WDR62: variants seen among roughly 807,000 people sequenced by gnomAD.
The protein encoded by WDR62 is WD repeat-containing protein 62.
WDR62 carries 112 observed loss-of-function variants against 160.6 expected under a neutral mutation model. The observed-to-expected ratio is 0.70, with a 90% CI of 0.60 to 0.82. The LOEUF (loss-of-function observed/expected upper bound fraction) is 0.82. Ranked by LOEUF, WDR62 falls within the 40% of genes least tolerant of loss-of-function variation. WDR62 has a pLI of 0.00. For synonymous variants in WDR62, 792 were observed against 815.1 expected, an observed-to-expected ratio of 0.97 and a Z score of 0.48; for missense variants, 1,819 against 1,983.8, an observed-to-expected ratio of 0.92 and a Z score of 1.58.
At chr19:36,100,655 C>T (rs1973270842) in intron 22 of WDR62, 93 bp from the exon 23 acceptor site, 1 of 1,574,390 alleles carries the variant, frequency 6.4e-7, no homozygotes, top group Non-Finnish European at 8.7e-7. Flanking sequence ...GGTTCACAGC[C>T]TCCAGCAGTG....
chr19:36,062,984 G>A (rs902307151), intron 3 of WDR62, among the ~76,000 whole-genome samples: 1 of 151,376 alleles, frequency 6.6e-6, no homozygotes, highest in Non-Finnish European at 1.5e-5. Context: ...TGGAGTCTCT[G>A]TCGTCAGGCT....
At chr19:36,097,231 A>T (rs766657797) in intron 21 of WDR62, 152 bp downstream of exon 21, 41 of 756,470 alleles carry the variant, frequency 5.4e-5, no homozygotes, top group Non-Finnish European at 8.2e-5. Flanking sequence ...CCCTTTGTTC[A>T]TGATCAGTGC....
chr19:36,109,020 C>T (rs1215801355), downstream of WDR62, among the ~76,000 whole-genome samples: 1 of 152,080 alleles, frequency 6.6e-6, no homozygotes. Flanking sequence ...GAAACCGAGG[C>T]CCAATGAGAA....
At chr19:36,106,999 C>T (rs553197163), downstream of WDR62, among the ~76,000 whole-genome samples, 1 of 152,104 alleles carries the variant, frequency 6.6e-6, no homozygotes, top group Non-Finnish European at 1.5e-5. Context: ...GGTGTTCAGC[C>T]CCCCAGGCCT....
At chr19:36,098,577 AAG>A (rs1491018429) in intron 21 of WDR62, among the ~76,000 whole-genome samples, 8 of 151,872 alleles carry the variant, frequency 5.3e-5, no homozygotes, top group Non-Finnish European at 8.8e-5. Context: ...AAAAAAAAAA[AAG>A]AAAGACAATG....
chr19:36,056,664 C>T (rs1035266613), intron 1 of WDR62, among the ~76,000 whole-genome samples: 4 of 152,192 alleles, frequency 2.6e-5, no homozygotes, highest in African/African-American at 9.7e-5. Context: ...TATTAAACTA[C>T]ATATAACAAT....
Position 36,102,843 on chromosome 19 carries a change from G to A in WDR62, c.3327G>A (p.Lys1109=). The A allele has an allele frequency of 6.2e-7, 1 of 1,614,230 alleles. No individual in the cohort carries two copies. The highest frequency in any genetic ancestry group is 8.5e-7 in the Non-Finnish European group (1 of 1,180,040). ...CGCAGTTCCTCTCAAGCCTCCAGAA[G>A]GCATCCAGGTAGAAGCTGGCCAAGC... The part of the protein sequence containing the change: ...ISTQFLSSLQ[K]ASRFTHTFPP... Residue 1109 remains lysine (K), a synonymous_variant, in exon 27 of 32, where the codon AAG becomes AAA. Coordinates refer to ENST00000401500, the MANE Select transcript of WDR62 (RefSeq NM_001083961.2).
chr19:36,103,106 G>A lies in WDR62; in HGVS notation c.3462+32G>A, dbSNP rs527869099. The stretch of plus-strand genomic sequence containing the variant: ...ATTGGGCCCACCTCCGTCAGGGCAC[G>A]GGGCTGGGAACCCTGAGGCCTTGTC... On this transcript the variant is annotated intron_variant, in intron 28 of 31. Coordinates refer to ENST00000401500, the MANE Select transcript of WDR62 (RefSeq NM_001083961.2). 115 of 1,614,020 alleles carry A rather than the reference G, an allele frequency of 7.1e-5. 1 individual carries two copies. In the East Asian group the frequency reaches 9.4e-4, roughly 13 times the overall value.
In WDR62 at chr19:36,102,285, G is replaced by A. The variant is rs879835524; in HGVS notation, c.3220+134G>A. On this transcript the variant is annotated intron_variant, in intron 26 of 31. Transcript: ENST00000401500. ...GCAACTGCTTCGTTTTTTTTGAGAC[G>A]GAGTCTCGCTCTGTTGCCAGGCTGG... The A allele has an allele frequency of 5.7e-5, 74 of 1,306,380 alleles. 1 individual carries two copies. The highest frequency in any genetic ancestry group is 1.2e-4 in the Admixed American group (7 of 57,042). 80.9% of individuals were successfully genotyped at this position (1,306,380 alleles called of 1,614,324 possible).
rs887455766 is a variant in WDR62, at chr19:36,055,242, G to T, written c.177+94G>T. 1.7e-5 allele frequency: 24 copies of T among 1,414,612 alleles called. No individual in the cohort carries two copies. In the Admixed American group the frequency reaches 4.8e-4, roughly 28 times the overall value. 87.6% of individuals were successfully genotyped at this position (1,414,612 alleles called of 1,614,324 possible). Reference sequence around the variant, plus strand: ...AACTGTGGCCCCGACATCAGCCCCCGGCCAGTCCCCTCAGGTTGTTCCCTG... The same window carrying T: ...AACTGTGGCCCCGACATCAGCCCCCTGCCAGTCCCCTCAGGTTGTTCCCTG... On this transcript the variant is annotated intron_variant, in intron 1 of 31. Transcript: ENST00000401500.
Position 36,060,025 on chromosome 19 carries a change from C to T in WDR62, c.327C>T (p.Thr109=), listed in dbSNP as rs751586049. Residue 109 remains threonine, a synonymous_variant, in exon 3 of 32, where the codon ACC becomes ACT. Coordinates refer to ENST00000401500, the MANE Select transcript of WDR62 (RefSeq NM_001083961.2). ...ACAAGCAGCAGCACATCTTTAACAC[C>T]GCCAGGTAGGCTGAGGCCTGGGCCC... is the stretch of plus-strand genomic sequence containing the variant. ...KENKQQHIFN[T]ARKSLSALAF... is the part of the protein sequence containing the mutation. 39 of 1,614,074 alleles carry T rather than the reference C, an allele frequency of 2.4e-5. No homozygotes were observed. Among genetic ancestry groups the T allele is most frequent in the Non-Finnish European group, 3.0e-5 (35 of 1,180,040 alleles).
At chr19:36,072,949 C>G (rs555288557) in intron 8 of WDR62, among the ~76,000 whole-genome samples, 45 of 152,330 alleles carry the variant, frequency 3.0e-4, no homozygotes, top group African/African-American at 1.1e-3. Context: ...CAAGGGACAG[C>G]TCCCCAGCCT....
chr19:36,057,011 C>T (rs982465029), intron 1 of WDR62, among the ~76,000 whole-genome samples: 4 of 151,980 alleles, frequency 2.6e-5, no homozygotes, highest in Non-Finnish European at 4.4e-5. Flanking sequence ...GACAGGGTCT[C>T]GCCGTGTTGG....
downstream of WDR62, among the ~76,000 whole-genome samples, chr19:36,108,589 A>G (rs541605564): frequency 6.6e-6 from 1 of 150,456 alleles, no homozygotes. Context: ...GCAGTGGCTC[A>G]TTCCTGTAAT....
chr19:36,058,910 G>A (rs1438024621), intron 2 of WDR62, 39 bp downstream of exon 2: 7 of 1,551,214 alleles, frequency 4.5e-6, no homozygotes, highest in South Asian at 1.1e-5. Flanking sequence ...TCATTGCTAG[G>A]GAATTTGGAG....
intron 9 of WDR62, among the ~76,000 whole-genome samples, chr19:36,076,245 A>G (rs1487079402): frequency 1.3e-5 from 2 of 149,980 alleles, no homozygotes; most frequent in Non-Finnish European, 3.0e-5. Context: ...GGAATCAACC[A>G]TTTCTCGAAA....
Position 36,101,207 on chromosome 19 carries a change from A to G in WDR62, c.2868-7A>G, listed in dbSNP as rs774343447. 7.5e-6 allele frequency: 12 copies of G among 1,607,760 alleles called. No individual in the cohort carries two copies. The highest frequency in any genetic ancestry group is 1.3e-5 in the African/African-American group (1 of 74,828). On this transcript the variant is annotated splice_region_variant and splice_polypyrimidine_tract_variant and intron_variant, in intron 23 of 31. Transcript: ENST00000401500. ...TTGTTCCCTCTCTGCCCCCACTGGC[A>G]CTGCAGCCAGTATTGCAGGAAGGAG... is the stretch of plus-strand genomic sequence containing the variant.
chr19:36,067,532 G>A, intron 6 of WDR62, 89 bp downstream of exon 6: 2 of 1,588,720 alleles, frequency 1.3e-6, no homozygotes, highest in Non-Finnish European at 1.7e-6. Flanking sequence ...TGAGATTTGA[G>A]GGCAGCGGTC....
At chr19:36,073,238 C>T (rs1971392738) in intron 8 of WDR62, 104 bp from the exon 9 acceptor site, 5 of 1,075,702 alleles carry the variant, frequency 4.6e-6, no homozygotes, top group Non-Finnish European at 7.2e-6. Flanking sequence ...CCACAAATAC[C>T]ATGAGGGATG....
Sources: gnomAD v4.1 joint callset for allele counts (sites outside exome capture counted in the v4.1 genomes callset) on GRCh38, gnomAD v4.1.1 for gene constraint, MANE v1.5 for transcripts, NCBI Gene and HGNC (gene_info 2026-07-23, HGNC 2026-07-21) for gene names.